Variants in WIPF1 observed in about 807,000 individuals in gnomAD.
WIPF1 encodes the protein WAS/WASL interacting protein family member 1.
In WIPF1, 13 loss-of-function variants were observed where a neutral mutation model predicts 35.4. The ratio of observed to expected loss-of-function variants is 0.37; its 90% CI spans 0.24 to 0.58. The LOEUF (loss-of-function observed/expected upper bound fraction) is 0.58, where lower values mean the gene tolerates loss of function less well. WIPF1 is among the 20% of genes least tolerant of loss of function. WIPF1 has a pLI of 0.74. For missense variants in WIPF1, 591 were observed against 667.0 expected (o/e 0.89, Z 1.25); for synonymous variants, 267 against 266.3 (o/e 1.00, Z -0.02).
At chr2:174,649,971 G>A (rs1017411363) in intron 1 of WIPF1, among the ~76,000 whole-genome samples, 15 of 152,146 alleles carry the variant, frequency 9.9e-5, no homozygotes, top group African/African-American at 3.6e-4. Context: ...GTGATCTTAA[G>A]GCTAAATAAA....
chr2:174,620,171 T>A (rs1343241178), intron 1 of WIPF1, among the ~76,000 whole-genome samples: 2 of 152,182 alleles, frequency 1.3e-5, no homozygotes, highest in African/African-American at 4.8e-5. Context: ...CGCCTTAAAA[T>A]GCTTTAGAAT....
In WIPF1 at chr2:174,674,948, A is replaced by ATG. The variant is rs576751803; in HGVS notation, c.-39+7825_-39+7826insCA. 7.5e-5 allele frequency among the ~76,000 whole-genome samples: 11 copies of ATG among 147,198 alleles called. 1 individual carries two copies. In the South Asian group the frequency reaches 1.9e-3, roughly 26 times the overall value. On this transcript the variant is annotated intron_variant, in intron 1 of 8. Coordinates refer to the WIPF1 transcript ENST00000272746. ...CACACACACACACACACACACACACAGATGTTCCAGGAAGAATGGTTGTAG... is the reference window on the plus strand; with the variant it reads ...CACACACACACACACACACACACACATGGATGTTCCAGGAAGAATGGTTGTAG...
chr2:174,645,723 G>C (rs1687394014), intron 1 of WIPF1, among the ~76,000 whole-genome samples: 1 of 152,198 alleles, frequency 6.6e-6, no homozygotes, highest in African/African-American at 2.4e-5. Flanking sequence ...CCTTTGACCA[G>C]CTGTCTTCAA....
intron 1 of WIPF1, among the ~76,000 whole-genome samples, chr2:174,591,701 C>A (rs1048108630): frequency 4.6e-5 from 7 of 151,904 alleles, no homozygotes; most frequent in Non-Finnish European, 1.0e-4. Context: ...CACACACACA[C>A]ACACCACCCC....
chr2:174,592,385 T>C (rs1319320734), intron 1 of WIPF1, among the ~76,000 whole-genome samples: 2 of 152,160 alleles, frequency 1.3e-5, no homozygotes, highest in Non-Finnish European at 2.9e-5. Context: ...AGCATTTTGC[T>C]CTATAAATGT....
At chr2:174,640,247 A>C (rs376720188) in intron 1 of WIPF1, among the ~76,000 whole-genome samples, 56 of 150,830 alleles carry the variant, frequency 3.7e-4, no homozygotes, top group African/African-American at 1.3e-3. Context: ...TACACTAAAA[A>C]CTATAAAACT....
chr2:174,681,354 A>C (rs769503534), intron 1 of WIPF1, among the ~76,000 whole-genome samples: 25 of 152,200 alleles, frequency 1.6e-4, no homozygotes, highest in Admixed American at 2.6e-4. Flanking sequence ...AGACACACAC[A>C]GTCACAGTAG....
intron 1 of WIPF1, chr2:174,655,499 T>G (rs1003294681): frequency 1.3e-5 from 2 of 152,206 alleles, no homozygotes; most frequent in African/African-American, 4.8e-5. Context: ...AAACCCTAGG[T>G]ATGACAGCTC....
At chr2:174,669,699 A>G (rs1040650291) in intron 1 of WIPF1, among the ~76,000 whole-genome samples, 6 of 152,062 alleles carry the variant, frequency 3.9e-5, no homozygotes, top group African/African-American at 1.4e-4. Flanking sequence ...ACATAGCAAT[A>G]CTCCATCTCT....
chr2:174,614,426 C>A (rs138046538), intron 1 of WIPF1, among the ~76,000 whole-genome samples: 1 of 152,234 alleles, frequency 6.6e-6, no homozygotes, highest in South Asian at 2.1e-4. Context: ...GAACAGTAAA[C>A]GTCTGGGAAT....
At chr2:174,620,765 A>C (rs1009169036) in intron 1 of WIPF1, among the ~76,000 whole-genome samples, 1 of 152,202 alleles carries the variant, frequency 6.6e-6, no homozygotes, top group Non-Finnish European at 1.5e-5. Flanking sequence ...AACGGGGTGC[A>C]CATGATGCCG....
At chr2:174,646,197 C>T (rs1687406298) in intron 1 of WIPF1, among the ~76,000 whole-genome samples, 1 of 152,184 alleles carries the variant, frequency 6.6e-6, no homozygotes, top group Admixed American at 6.5e-5. Context: ...GTTTTCCTCA[C>T]ATATATGTAA....
At position 174,633,487 on chromosome 2, in the gene WIPF1, G is replaced by A. The variant is rs534544736; in HGVS notation, c.-38-47876C>T. ...CTAGTATGTTTCCCAAAAACACCCA[G>A]AAAGAGTTCAGCAGCCTCTCTGGCT... On this transcript the variant is annotated intron_variant, in intron 1 of 8. Coordinates refer to the WIPF1 transcript ENST00000272746. 1.4e-4 allele frequency among the ~76,000 whole-genome samples: 21 copies of A among 152,300 alleles called. 1 individual carries two copies. In the South Asian group the frequency reaches 4.1e-3, roughly 30 times the overall value.
chr2:174,632,069 A>C (rs1687038522), intron 1 of WIPF1, among the ~76,000 whole-genome samples: 2 of 152,294 alleles, frequency 1.3e-5, no homozygotes, highest in Admixed American at 6.5e-5. Context: ...CTCCAGATTA[A>C]AGGTGACTTC....
intron 1 of WIPF1, among the ~76,000 whole-genome samples, chr2:174,657,906 G>A (rs1687677805): frequency 3.1e-5 from 2 of 65,468 alleles, no homozygotes; most frequent in African/African-American, 6.2e-5. Flanking sequence ...GCGAAACTCT[G>A]TCTCAAAAAA....
chr2:174,639,118 T>G (rs973916587), intron 1 of WIPF1, among the ~76,000 whole-genome samples: 2 of 152,242 alleles, frequency 1.3e-5, no homozygotes, highest in African/African-American at 4.8e-5. Context: ...CAACACTTGT[T>G]TCCTTTTGTT....
At chr2:174,563,559 C>A (rs775482141) in intron 7 of WIPF1, among the ~76,000 whole-genome samples, 33 of 152,086 alleles carry the variant, frequency 2.2e-4, no homozygotes, top group African/African-American at 3.4e-4. Context: ...CAGAGTGAGA[C>A]CCTGTCTCAA....
intron 3 of WIPF1, among the ~76,000 whole-genome samples, chr2:174,576,438 G>T (rs1685067031): frequency 6.6e-6 from 1 of 151,974 alleles, no homozygotes; most frequent in African/African-American, 2.4e-5. Flanking sequence ...CTATTGTATT[G>T]TAGAACATGA....
In WIPF1 at chr2:174,578,500, G is replaced by T. The variant is rs181625606; in HGVS notation, c.181+2810C>A. On this transcript the variant is annotated intron_variant, in intron 3 of 7. Coordinates refer to ENST00000679041, the MANE Select transcript of WIPF1 (RefSeq NM_001375834.1). ...TTTTATCTTTTCCCTTGCTCATTGAGGTTTCCTGAATAAATATATGCTTTT... is the reference window on the plus strand; with the variant it reads ...TTTTATCTTTTCCCTTGCTCATTGATGTTTCCTGAATAAATATATGCTTTT... 5.7e-3 allele frequency among the ~76,000 whole-genome samples: 861 copies of T among 152,160 alleles called. 11 individuals carry two copies. The highest frequency in any genetic ancestry group is 0.02 in the African/African-American group (832 of 41,530).
Sources: allele counts gnomAD v4.1 joint callset (sites outside exome capture counted in the v4.1 genomes callset), GRCh38; gene constraint gnomAD v4.1.1; transcripts MANE v1.5; gene names NCBI Gene and HGNC (gene_info 2026-07-23, HGNC 2026-07-21).